The following PARD3 variants were observed in gnomAD, a reference collection of about 807,000 sequenced individuals.
PARD3 encodes par-3 family cell polarity regulator.
In PARD3, 75 loss-of-function variants were observed where a neutral mutation model predicts 155.4. That is an observed-to-expected ratio of 0.48 (90% CI 0.40 to 0.58). The LOEUF is 0.58. Ranked by LOEUF, PARD3 falls within the 20% of genes least tolerant of loss-of-function variation. The probability of loss-of-function intolerance (pLI) is 0.00; values close to 1 mark genes in which losing one functional copy is unlikely to be tolerated. For missense variants in PARD3, 1,642 were observed against 1,721.7 expected, an observed-to-expected ratio of 0.95 and a Z score of 0.82; for synonymous variants, 576 against 610.5, an observed-to-expected ratio of 0.94 and a Z score of 0.83.
chr10:34,461,889 T>G (rs1303616005), intron 4 of PARD3, among the ~76,000 whole-genome samples: 1 of 152,140 alleles, frequency 6.6e-6, no homozygotes, highest in African/African-American at 2.4e-5. Flanking sequence ...CTCCAAAATT[T>G]TATCAATAAC....
intron 11 of PARD3, among the ~76,000 whole-genome samples, chr10:34,373,124 G>C (rs1193065025): frequency 6.6e-6 from 1 of 152,010 alleles, no homozygotes; most frequent in African/African-American, 2.4e-5. Context: ...ACCCCAAACA[G>C]AGGAAAATAG....
intron 1 of PARD3, among the ~76,000 whole-genome samples, chr10:34,784,900 T>G (rs1840749377): frequency 6.6e-6 from 1 of 152,098 alleles, no homozygotes; most frequent in South Asian, 2.1e-4. Context: ...ACAGTCATTT[T>G]TCTAGCATTC....
At chr10:34,313,742 T>C (rs1957829615) in intron 20 of PARD3, among the ~76,000 whole-genome samples, 1 of 152,078 alleles carries the variant, frequency 6.6e-6, no homozygotes, top group Admixed American at 6.6e-5. Context: ...AGGAATAGTG[T>C]ATGAGTGGGA....
At chr10:34,804,555 G>A (rs1371100436) in intron 1 of PARD3, among the ~76,000 whole-genome samples, 1 of 152,232 alleles carries the variant, frequency 6.6e-6, no homozygotes, top group African/African-American at 2.4e-5. Context: ...ACCCTGCTGG[G>A]CAGGAATCTG....
intron 5 of PARD3, among the ~76,000 whole-genome samples, chr10:34,429,703 A>G (rs1244885664): frequency 2.0e-5 from 3 of 152,078 alleles, no homozygotes; most frequent in African/African-American, 4.8e-5. Context: ...CTCCTGCCTC[A>G]GCCTCCCTAG....
chr10:34,532,867 C>A (rs746289753), intron 2 of PARD3, among the ~76,000 whole-genome samples: 1 of 152,138 alleles, frequency 6.6e-6, no homozygotes, highest in Non-Finnish European at 1.5e-5. Context: ...CACTTAACAA[C>A]AGGGATACAT....
At chr10:34,599,883 G>C (rs1162916567) in intron 2 of PARD3, among the ~76,000 whole-genome samples, 1 of 152,008 alleles carries the variant, frequency 6.6e-6, no homozygotes, top group Non-Finnish European at 1.5e-5. Flanking sequence ...GGCCTTCTTG[G>C]AACTTCTTTA....
chr10:34,518,911 T>C lies in PARD3; in HGVS notation c.223-1752A>G, dbSNP rs116520313. Reference sequence around the variant, plus strand: ...AGTGGAGAAACTTGGCAGCCACTGCTGTACCCAGGTTAACGTCATTCATAG... The same window carrying C: ...AGTGGAGAAACTTGGCAGCCACTGCCGTACCCAGGTTAACGTCATTCATAG... On this transcript the variant is annotated intron_variant, in intron 2 of 24. Coordinates refer to ENST00000374788, the MANE Select transcript of PARD3 (RefSeq NM_001184785.2). Among the ~76,000 whole-genome samples, 203 of 152,336 alleles carry C rather than the reference T, an allele frequency of 1.3e-3. 1 individual carries two copies. Among genetic ancestry groups the C allele is most frequent in the African/African-American group, 4.5e-3 (188 of 41,578 alleles).
chr10:34,346,478 C>A, intron 15 of PARD3: 1 of 1,346,382 alleles, frequency 7.4e-7, no homozygotes, highest in Non-Finnish European at 9.9e-7. Context: ...TACAGCATAT[C>A]ACTTTGTGTG....
intron 4 of PARD3, among the ~76,000 whole-genome samples, chr10:34,459,333 A>T (rs868849794): frequency 2.3e-4 from 34 of 147,762 alleles, no homozygotes; most frequent in Admixed American, 5.4e-4. Context: ...TGCCCAGCTA[A>T]TTTTTTTTTT....
At chr10:34,590,207 A>C (rs377393313) in intron 2 of PARD3, among the ~76,000 whole-genome samples, 45 of 152,320 alleles carry the variant, frequency 3.0e-4, no homozygotes, top group African/African-American at 1.1e-3. Context: ...TCTAATTTAA[A>C]ATTAGTGCTA....
chr10:34,217,950 G>A (rs976860369), intron 22 of PARD3, among the ~76,000 whole-genome samples: 1 of 152,124 alleles, frequency 6.6e-6, no homozygotes, highest in African/African-American at 2.4e-5. Flanking sequence ...AGTGGGAACT[G>A]GACACATTGG....
At chr10:34,434,639 C>T (rs1187564843) in intron 5 of PARD3, among the ~76,000 whole-genome samples, 1 of 152,156 alleles carries the variant, frequency 6.6e-6, no homozygotes, top group Non-Finnish European at 1.5e-5. Flanking sequence ...AGGAGGGCTG[C>T]AGTGTTGTGT....
chr10:34,435,881 T>C (rs572629887), intron 5 of PARD3, among the ~76,000 whole-genome samples: 2 of 152,310 alleles, frequency 1.3e-5, no homozygotes, highest in East Asian at 1.9e-4. Flanking sequence ...AAACTCTTAC[T>C]TTTCAAGAAG....
chr10:34,759,160 T>C (rs889994643), intron 1 of PARD3, among the ~76,000 whole-genome samples: 4 of 151,462 alleles, frequency 2.6e-5, no homozygotes, highest in Admixed American at 6.6e-5. Context: ...TAGATACAAC[T>C]CAATGAGAAT....
intron 2 of PARD3, among the ~76,000 whole-genome samples, chr10:34,570,729 T>C (rs757474053): frequency 2.0e-5 from 3 of 152,182 alleles, no homozygotes; most frequent in Non-Finnish European, 4.4e-5. Flanking sequence ...GCACATATTG[T>C]CACAAACACA....
At chr10:34,709,043 T>C (rs1478516759) in intron 1 of PARD3, among the ~76,000 whole-genome samples, 2 of 152,156 alleles carry the variant, frequency 1.3e-5, no homozygotes, top group African/African-American at 2.4e-5. Flanking sequence ...CACATGTACA[T>C]ATACATATAA....
At chr10:34,491,010 A>G (rs2079865037) in intron 3 of PARD3, among the ~76,000 whole-genome samples, 1 of 152,340 alleles carries the variant, frequency 6.6e-6, no homozygotes, top group Non-Finnish European at 1.5e-5. Context: ...ACAGCATTGC[A>G]TATCAGCCCT....
chr10:34,753,910 T>C (rs1836372903), intron 1 of PARD3, among the ~76,000 whole-genome samples: 1 of 152,194 alleles, frequency 6.6e-6, no homozygotes, highest in South Asian at 2.1e-4. Context: ...AGTTCTCATC[T>C]AGGATACTTT....
Sources: gnomAD v4.1 joint callset for allele counts (sites outside exome capture counted in the v4.1 genomes callset) on GRCh38, gnomAD v4.1.1 for gene constraint, MANE v1.5 for transcripts, NCBI Gene and HGNC (gene_info 2026-07-23, HGNC 2026-07-21) for gene names.